Variants in HMCN1 observed in about 807,000 individuals in gnomAD.
HMCN1 encodes hemicentin 1, also known as hemicentin-1.
Under a neutral mutation model 625.9 loss-of-function variants are expected in HMCN1, and 321 were observed. That is an observed-to-expected ratio of 0.51 (90% CI 0.47 to 0.56). The LOEUF is 0.56. HMCN1 is among the 20% of genes least tolerant of loss of function. The pLI is 0.00. For missense variants in HMCN1, 6,588 were observed against 6,887.3 expected, an observed-to-expected ratio of 0.96 and a Z score of 1.54; for synonymous variants, 2,425 against 2,417.6, an observed-to-expected ratio of 1.00 and a Z score of -0.09.
chr1:186,186,410 T>C (rs676317), intron 105 of HMCN1, among the ~76,000 whole-genome samples: 37,015 of 151,948 alleles, frequency 0.24, 4,792 homozygotes, highest in Middle Eastern at 0.34. Context: ...GCCTGTAGTC[T>C]CAGCTACTCT....
chr1:185,954,559 T>C (rs1649481434), intron 11 of HMCN1, among the ~76,000 whole-genome samples: 5 of 152,122 alleles, frequency 3.3e-5, no homozygotes, highest in Admixed American at 1.3e-4. Flanking sequence ...TCAACAATTG[T>C]TGATCCTCTA....
At chr1:186,053,287 C>T (rs1657091899) in intron 43 of HMCN1, among the ~76,000 whole-genome samples, 1 of 151,932 alleles carries the variant, frequency 6.6e-6, no homozygotes, top group East Asian at 1.9e-4. Flanking sequence ...TAACTCCTCC[C>T]TGGAAAAAAA....
chr1:185,992,294 C>G (rs919750206), intron 22 of HMCN1, among the ~76,000 whole-genome samples: 4 of 152,064 alleles, frequency 2.6e-5, no homozygotes, highest in African/African-American at 9.7e-5. Context: ...TTAATCTGTT[C>G]TTTTTCAGAT....
At chr1:186,114,765 T>C in intron 73 of HMCN1, 54 bp from the exon 74 acceptor site, 1 of 1,606,284 alleles carries the variant, frequency 6.2e-7, no homozygotes, top group South Asian at 1.1e-5. Flanking sequence ...AGTCAAAATA[T>C]GAACAATCAA....
intron 1 of HMCN1, among the ~76,000 whole-genome samples, chr1:185,816,123 A>C (rs114068963): frequency 0.021 from 2,920 of 141,166 alleles, 395 homozygotes; most frequent in African/African-American, 0.086. Context: ...TTTAAGATAG[A>C]ACATGTAGCA....
chr1:186,087,796 A>G (rs1659598194), intron 60 of HMCN1, 136 bp from the exon 61 acceptor site: 2 of 1,153,112 alleles, frequency 1.7e-6, no homozygotes, highest in Admixed American at 1.8e-5. Flanking sequence ...TTTATAAAAA[A>G]TAGCAAGATT....
Position 186,076,369 on chromosome 1 carries a change from G to A in HMCN1, c.8291-59G>A. ...TACAAATCACTCTGGTGAAAACACA[G>A]CCAAGATCTTTGTTTAAGCATTTAT... On this transcript the variant is annotated intron_variant, in intron 53 of 106. Coordinates refer to ENST00000271588, the MANE Select transcript of HMCN1 (RefSeq NM_031935.3). The A allele has an allele frequency of 6.7e-6, 10 of 1,488,464 alleles. No individual in the cohort carries two copies. In the South Asian group the frequency reaches 1.2e-4, roughly 17 times the overall value. The allele number at this position is 1,488,464 out of a possible 1,614,324, so 92.2% of individuals were successfully genotyped here. A position where few individuals can be genotyped will look rare whatever the true frequency, so the allele number is the denominator to read the frequency against.
intron 11 of HMCN1, among the ~76,000 whole-genome samples, chr1:185,959,031 G>A (rs921774879): frequency 4.6e-5 from 7 of 152,068 alleles, no homozygotes; most frequent in Non-Finnish European, 7.4e-5. Context: ...AAACATTGTC[G>A]GTACTCAGTA....
At chr1:185,872,497 C>G (rs1469038180) in intron 4 of HMCN1, among the ~76,000 whole-genome samples, 2 of 152,110 alleles carry the variant, frequency 1.3e-5, no homozygotes, top group Non-Finnish European at 1.5e-5. Flanking sequence ...GAACAATTCT[C>G]ATAATGACAT....
At chr1:185,951,627 G>T (rs1292092483) in intron 11 of HMCN1, among the ~76,000 whole-genome samples, 2 of 151,750 alleles carry the variant, frequency 1.3e-5, no homozygotes, top group African/African-American at 4.9e-5. Flanking sequence ...AGTTCCAGGG[G>T]CTCTGGGAGT....
chr1:186,005,440 A>T (rs57026544), intron 29 of HMCN1, among the ~76,000 whole-genome samples: 1 of 140,888 alleles, frequency 7.1e-6, no homozygotes, highest in Admixed American at 7.0e-5. Context: ...TTAATTGTTT[A>T]AATTGTTTAT....
At chr1:186,171,532 C>G in intron 101 of HMCN1, 82 bp downstream of exon 101, 1 of 1,070,394 alleles carries the variant, frequency 9.3e-7, no homozygotes, top group East Asian at 2.4e-5. Flanking sequence ...TACACTGTGT[C>G]TTGGTACTGG....
chr1:185,734,744 G>T lies in HMCN1; in HGVS notation c.-36G>T, dbSNP rs745670827. On this transcript the variant is annotated 5_prime_UTR_variant, in exon 1 of 107. Transcript: ENST00000271588. Reference sequence around the variant, plus strand: ...GAGGAGGACTGAGCACAGTGCTTAGGCGCTGAGGGGGAAAAAGAGGGGGAA... The same window carrying T: ...GAGGAGGACTGAGCACAGTGCTTAGTCGCTGAGGGGGAAAAAGAGGGGGAA... 1.2e-6 allele frequency: 2 copies of T among 1,610,554 alleles called. No homozygotes were observed. The highest frequency in any genetic ancestry group is 8.5e-7 in the Non-Finnish European group (1 of 1,177,682).
At chr1:185,924,203 C>G (rs1269508969) in intron 8 of HMCN1, among the ~76,000 whole-genome samples, 1 of 136,988 alleles carries the variant, frequency 7.3e-6, no homozygotes, top group East Asian at 2.2e-4. Context: ...CATGACTGAA[C>G]TCTGACCCAA....
chr1:186,067,759 A>G, intron 49 of HMCN1, 75 bp from the exon 50 acceptor site: 2 of 972,292 alleles, frequency 2.1e-6, no homozygotes, highest in South Asian at 2.7e-5. Flanking sequence ...ACAAATACAT[A>G]TAATGGAAAT....
At chr1:186,108,429 A>T in intron 70 of HMCN1, 32 bp from the exon 71 acceptor site, 1 of 1,613,976 alleles carries the variant, frequency 6.2e-7, no homozygotes, top group Non-Finnish European at 8.5e-7. Context: ...GATAATACAG[A>T]TTGCTTTTGT....
chr1:185,911,653 C>A, intron 5 of HMCN1, 21 bp from the exon 6 acceptor site: 2 of 1,516,798 alleles, frequency 1.3e-6, no homozygotes, highest in Non-Finnish European at 1.8e-6. Context: ...GTGCTTGTTA[C>A]CTTTATGTTC....
At chr1:185,809,909 C>T (rs185601510) in intron 1 of HMCN1, among the ~76,000 whole-genome samples, 109 of 152,100 alleles carry the variant, frequency 7.2e-4, no homozygotes, top group African/African-American at 2.5e-3. Context: ...CCTTTTAGTA[C>T]TATTTTTCTT....
At position 186,072,604 on chromosome 1, in the gene HMCN1, T is replaced by A. The variant is rs1052313323; in HGVS notation, c.8139+1847T>A. Among the ~76,000 whole-genome samples, 7 of 151,770 alleles carry A rather than the reference T, an allele frequency of 4.6e-5. No homozygotes were observed. In the East Asian group the frequency reaches 1.4e-3, roughly 30 times the overall value. On this transcript the variant is annotated intron_variant, in intron 52 of 106. Transcript: ENST00000271588. ...CAATATGAGAGAAGGAAACCAAGGG[T>A]GGAGAGTGTGATTTCTTACTTAGGG... is the stretch of plus-strand genomic sequence containing the variant.
Sources: gnomAD v4.1 joint callset for allele counts (sites outside exome capture counted in the v4.1 genomes callset) on GRCh38, gnomAD v4.1.1 for gene constraint, MANE v1.5 for transcripts, NCBI Gene and HGNC (gene_info 2026-07-23, HGNC 2026-07-21) for gene names.